Variants in USP19 observed in about 807,000 individuals in gnomAD.
The protein encoded by USP19 is ubiquitin specific peptidase 19.
USP19 carries 40 observed loss-of-function variants against 144.8 expected under a neutral mutation model. The ratio of observed to expected loss-of-function variants is 0.28; its 90% CI spans 0.21 to 0.36. The LOEUF is 0.36. USP19 is among the 10% of genes least tolerant of loss of function. The pLI is 1.00. For synonymous variants in USP19, 701 were observed against 709.3 expected (o/e 0.99, Z 0.19); for missense variants, 1,518 against 1,822.5 (o/e 0.83, Z 3.04).
In USP19 at chr3:49,110,135, G is replaced by A. The variant is rs2042924122; in HGVS notation, c.4038+49C>T. The A allele has an allele frequency of 1.4e-6, 2 of 1,469,494 alleles. No homozygotes were observed. Among genetic ancestry groups the A allele is most frequent in the South Asian group, 1.5e-5 (1 of 65,442 alleles). The allele number at this position is 1,469,494 out of a possible 1,614,324, so 91.0% of individuals were successfully genotyped here. A position where few individuals can be genotyped will look rare whatever the true frequency, so the allele number is the denominator to read the frequency against. On this transcript the variant is annotated intron_variant, in intron 26 of 26. Transcript: ENST00000417901. The surrounding 1 kb of genome is among the most constrained non-coding windows in gnomAD (Gnocchi z 6.1). Reference sequence around the variant, plus strand: ...AGCTATATCCCCCAACCCGGCCCCAGTCTGTGAACTGTCCCCCAGTATTCT... The same window carrying A: ...AGCTATATCCCCCAACCCGGCCCCAATCTGTGAACTGTCCCCCAGTATTCT...
In USP19 at chr3:49,118,097, G is replaced by C. The variant is rs752673049; in HGVS notation, c.148C>G (p.Gln50Glu). Residue 50 changes from glutamine (Q) to glutamate (E), a missense_variant, in exon 3 of 27, where the codon CAG becomes GAG. This residue lies in a region of USP19 where 707 missense variants were observed against 728.9 expected (regional missense o/e 0.97). Coordinates refer to ENST00000417901, the MANE Select transcript of USP19 (RefSeq NM_001199161.2). ...RKETGSRYVAQAGLEPLASGD... is the reference protein window; with the variant it reads ...RKETGSRYVAEAGLEPLASGD... ...GAGGCCAGAGGTTCAAGACCAGCCTGGGCAACATATCGAGACCCTGTCTCT... is the reference window on the plus strand; with the variant it reads ...GAGGCCAGAGGTTCAAGACCAGCCTCGGCAACATATCGAGACCCTGTCTCT... The C allele has an allele frequency of 7.0e-6, 10 of 1,434,836 alleles. No individual in the cohort carries two copies. Among genetic ancestry groups the C allele is most frequent in the Non-Finnish European group, 4.8e-6 (5 of 1,044,592 alleles). 88.9% of individuals were successfully genotyped at this position (1,434,836 alleles called of 1,614,324 possible). A position where few individuals can be genotyped will look rare whatever the true frequency, so the allele number is the denominator to read the frequency against.
At position 49,117,476 on chromosome 3, in the gene USP19, C is replaced by T. The variant is rs370258948; in HGVS notation, c.567G>A (p.Leu189=). 1.9e-6 allele frequency: 3 copies of T among 1,614,024 alleles called. No homozygotes were observed. The highest frequency in any genetic ancestry group is 1.7e-6 in the Non-Finnish European group (2 of 1,180,042). ...TRKGSLLHLT[L]PKKVPMLTWP... ...ACGTGAGCATAGGCACCTTTTTGGG[C>T]AGTGTCAGGTGCAGGAGACTGCCCT... The change falls in exon 5 of 27, where the codon CTG becomes CTA. Residue 189 remains leucine (L), a synonymous_variant. Coordinates refer to ENST00000417901, the MANE Select transcript of USP19 (RefSeq NM_001199161.2). The surrounding 1 kb of genome is among the most constrained non-coding windows in gnomAD (Gnocchi z 4.4).
chr3:49,117,828 C>T lies in USP19; in HGVS notation c.301G>A (p.Ala101Thr). 6.2e-7 allele frequency: 1 copy of T among 1,614,172 alleles called. No individual in the cohort carries two copies. Among genetic ancestry groups the T allele is most frequent in the Non-Finnish European group, 8.5e-7 (1 of 1,180,016 alleles). The change falls in exon 4 of 27, where the codon GCT becomes ACT. Residue 101 changes from alanine to threonine, a missense_variant and splice_region_variant. Ala to Thr is a moderately conservative substitution (Grantham distance 58). This residue lies in a region of USP19 where 707 missense variants were observed against 728.9 expected (regional missense o/e 0.97). Transcript: ENST00000417901. The surrounding 1 kb of genome is among the most constrained non-coding windows in gnomAD (Gnocchi z 4.4). ...TPQEEQTKEG[A>T]CEDPHDLLAT... The stretch of plus-strand genomic sequence containing the variant: ...AAGAGATCATGAGGGTCTTCACAAG[C>T]TCCTGATGGTGATAAGCAGGTAACA...
chr3:49,110,796 C>T lies in USP19; in HGVS notation c.3613G>A (p.Val1205Ile), dbSNP rs1441621122. Reference protein sequence around the residue: ...KQLLLWRLPNVLIVQLKRFSF... With the variant: ...KQLLLWRLPNILIVQLKRFSF... ...AAGCGCTTGAGCTGCACGATGAGAA[C>T]ATTTGGCAGGCGCCATAGCAACAGC... Residue 1205 changes from valine to isoleucine, a missense_variant, in exon 24 of 27, where the codon GTT becomes ATT. Transcript: ENST00000417901. The surrounding 1 kb of genome is among the most constrained non-coding windows in gnomAD (Gnocchi z 6.1). 14 of 1,614,238 alleles carry T rather than the reference C, an allele frequency of 8.7e-6. No homozygotes were observed. Among genetic ancestry groups the T allele is most frequent in the Non-Finnish European group, 1.1e-5 (13 of 1,180,054 alleles).
rs2044714026 is a variant in USP19 at position 49,119,212 on chromosome 3, G to A, written c.-67C>T. 5 of 1,541,288 alleles carry A rather than the reference G, an allele frequency of 3.2e-6. No individual in the cohort carries two copies. The East Asian group carries it at 9.2e-5, about 28-fold the overall frequency. ...CAACAGCGTCTGGGTCAGGGCTGCGGCGCTTTCTTCCTGGCCCAGCTATCT... is the reference window on the plus strand; with the variant it reads ...CAACAGCGTCTGGGTCAGGGCTGCGACGCTTTCTTCCTGGCCCAGCTATCT... On this transcript the variant is annotated 5_prime_UTR_variant, in exon 2 of 27. Transcript: ENST00000417901.
At chr3:49,109,267 C>T (rs1056669748) in intron 26 of USP19, 5 of 1,426,910 alleles carry the variant, frequency 3.5e-6, no homozygotes, top group Non-Finnish European at 4.6e-6. Flanking sequence ...ATGACAGTCC[C>T]ACCTGGGGTG....
Position 49,111,445 on chromosome 3 carries a change from C to T in USP19, c.3217+55G>A. On this transcript the variant is annotated intron_variant, in intron 21 of 26. Transcript: ENST00000417901. The surrounding 1 kb of genome is among the most constrained non-coding windows in gnomAD (Gnocchi z 5.9). ...CCACCAGGCCCTAAACAACAGCCCC[C>T]TCCATCCTCCCTTATCCTCCTCCCC... The T allele has an allele frequency of 6.2e-7, 1 of 1,612,922 alleles. No homozygotes were observed. The highest frequency in any genetic ancestry group is 8.5e-7 in the Non-Finnish European group (1 of 1,179,582).
Position 49,115,865 on chromosome 3 carries a change from G to A in USP19, c.1551C>T (p.His517=). The change falls in exon 11 of 27, where the codon CAC becomes CAT. Residue 517 remains histidine (H), a synonymous_variant. Coordinates refer to ENST00000417901, the MANE Select transcript of USP19 (RefSeq NM_001199161.2). The surrounding 1 kb of genome is among the most constrained non-coding windows in gnomAD (Gnocchi z 6.6). ...LDSTPPGGAP[H]PLTGQEEARA... is the part of the protein sequence containing the mutation. ...GGGCCTCCTCCTGGCCTGTCAGGGG[G>A]TGGGGAGCACCTCCTGGTGGGGTTG... The A allele has an allele frequency of 1.2e-6, 2 of 1,603,850 alleles. No individual in the cohort carries two copies. Among genetic ancestry groups the A allele is most frequent in the Non-Finnish European group, 1.7e-6 (2 of 1,175,554 alleles).
In USP19 at chr3:49,116,835, C is replaced by T. The variant is rs745533225; in HGVS notation, c.1018G>A (p.Gly340Arg). ...ATGGCTGGAGAGACTGGGTCATTCCCGGGAGGCACTGCTTTCTCTCCTGCC... is the reference window on the plus strand; with the variant it reads ...ATGGCTGGAGAGACTGGGTCATTCCTGGGAGGCACTGCTTTCTCTCCTGCC... Reference protein sequence around the residue: ...PLAGEKAVPPGNDPVSPAMVR... With the variant: ...PLAGEKAVPPRNDPVSPAMVR... Residue 340 changes from glycine (G) to arginine (R), a missense_variant, in exon 7 of 27, where the codon GGG (glycine) becomes AGG (arginine). By Grantham distance (125) the Gly-to-Arg change is moderately radical (BLOSUM62 -2). This residue lies in a region of USP19 where 707 missense variants were observed against 728.9 expected (regional missense o/e 0.97). Transcript: ENST00000417901. This position sits in a 1 kb window ranked among gnomAD's most constrained non-coding sequence, Gnocchi z 5.0. 67 of 1,613,998 alleles carry T rather than the reference C, an allele frequency of 4.2e-5. No homozygotes were observed. The highest frequency in any genetic ancestry group is 2.2e-4 in the East Asian group (10 of 44,880).
chr3:49,108,985 A>G lies in USP19; in HGVS notation c.4039-457T>C. 6.2e-7 allele frequency: 1 copy of G among 1,612,868 alleles called. No individual in the cohort carries two copies. The highest frequency in any genetic ancestry group is 8.5e-7 in the Non-Finnish European group (1 of 1,179,562). The stretch of plus-strand genomic sequence containing the variant: ...ATCTCCAGCGACTCTGGGATACCAG[A>G]GGATAGAACACGTTGAGCACGAGGG... On this transcript the variant is annotated intron_variant, in intron 26 of 26. Coordinates refer to ENST00000417901, the MANE Select transcript of USP19 (RefSeq NM_001199161.2). The surrounding 1 kb of genome is among the most constrained non-coding windows in gnomAD (Gnocchi z 4.8).
In USP19 at chr3:49,116,201, G is replaced by A. The variant is rs1428904087; in HGVS notation, c.1356-39C>T. 2.5e-6 allele frequency: 4 copies of A among 1,613,760 alleles called. No individual in the cohort carries two copies. Among genetic ancestry groups the A allele is most frequent in the Middle Eastern group, 1.7e-4 (1 of 6,056 alleles). On this transcript the variant is annotated intron_variant, in intron 9 of 26. Coordinates refer to ENST00000417901, the MANE Select transcript of USP19 (RefSeq NM_001199161.2). The surrounding 1 kb of genome is among the most constrained non-coding windows in gnomAD (Gnocchi z 5.0). ...CTGAACTCAGGGACTTAGGAGGAAT[G>A]AGCATCAGGATAGATGAGCCAGGGA...
Position 49,112,766 on chromosome 3 carries a change from C to T in USP19, c.2506-137G>A. 1 of 1,238,098 alleles carries T rather than the reference C, an allele frequency of 8.1e-7. No individual in the cohort carries two copies. The highest frequency in any genetic ancestry group is 1.1e-6 in the Non-Finnish European group (1 of 914,904). 76.7% of individuals were successfully genotyped at this position (1,238,098 alleles called of 1,614,324 possible). ...GTCTGTAGGCCCAAATAGGCTTATG[C>T]CTCTGCTGGCACCTGTCTCAGTGCC... is the stretch of plus-strand genomic sequence containing the variant. On this transcript the variant is annotated intron_variant, in intron 17 of 26. Coordinates refer to ENST00000417901, the MANE Select transcript of USP19 (RefSeq NM_001199161.2). This position sits in a 1 kb window ranked among gnomAD's most constrained non-coding sequence, Gnocchi z 4.9.
chr3:49,108,315 A>G lies in USP19; in HGVS notation c.*97T>C. On this transcript the variant is annotated 3_prime_UTR_variant, in exon 27 of 27. Coordinates refer to ENST00000417901, the MANE Select transcript of USP19 (RefSeq NM_001199161.2). The surrounding 1 kb of genome is among the most constrained non-coding windows in gnomAD (Gnocchi z 4.8). Reference sequence around the variant, plus strand: ...ATACCCCTCAGCTTCCCATTGACAGAGCCAGTGTCCTCTGGGTTAGAGAAG... The same window carrying G: ...ATACCCCTCAGCTTCCCATTGACAGGGCCAGTGTCCTCTGGGTTAGAGAAG... 2.9e-6 allele frequency: 1 copy of G among 342,156 alleles called. No homozygotes were observed. Among genetic ancestry groups the G allele is most frequent in the Non-Finnish European group, 5.5e-6 (1 of 181,438 alleles). The allele number at this position is 342,156 out of a possible 1,614,324, so 21.2% of individuals were successfully genotyped here. A position where few individuals can be genotyped will look rare whatever the true frequency, so the allele number is the denominator to read the frequency against.
rs775551852 is a variant in USP19, at chr3:49,115,257, G to T, written c.1993C>A (p.His665Asn). ...VLLRALWKGT[H>N]HAFQPSKLKA... ...AACTTGGAAGGCTGGAAGGCATGGT[G>T]GGTGCCCTTCCACAGCGCCCGAAGC... Residue 665 changes from histidine to asparagine, a missense_variant, in exon 13 of 27, where the codon CAC (histidine) becomes AAC (asparagine). His to Asn is a moderately conservative substitution (Grantham distance 68, BLOSUM62 1). Coordinates refer to ENST00000417901, the MANE Select transcript of USP19 (RefSeq NM_001199161.2). This position sits in a 1 kb window ranked among gnomAD's most constrained non-coding sequence, Gnocchi z 6.6. 1 of 1,614,058 alleles carries T rather than the reference G, an allele frequency of 6.2e-7. No individual in the cohort carries two copies. The highest frequency in any genetic ancestry group is 8.5e-7 in the Non-Finnish European group (1 of 1,180,014).
Position 49,110,687 on chromosome 3 carries a change from C to T in USP19, c.3698+24G>A, listed in dbSNP as rs1194653181. On this transcript the variant is annotated intron_variant, in intron 24 of 26. Coordinates refer to ENST00000417901, the MANE Select transcript of USP19 (RefSeq NM_001199161.2). The surrounding 1 kb of genome is among the most constrained non-coding windows in gnomAD (Gnocchi z 6.1). ...CATCCTGGTCCTCACACCCCACCCA[C>T]AGTTACCAAGGTCCACTGCTTACCT... 6.2e-7 allele frequency: 1 copy of T among 1,612,596 alleles called. No individual in the cohort carries two copies. Among genetic ancestry groups the T allele is most frequent in the East Asian group, 2.2e-5 (1 of 44,864 alleles).
chr3:49,117,266 C>T lies in USP19; in HGVS notation c.702G>A (p.Glu234=), dbSNP rs2044317428. The T allele has an allele frequency of 6.4e-7, 1 of 1,566,066 alleles. No individual in the cohort carries two copies. Among genetic ancestry groups the T allele is most frequent in the African/African-American group, 1.4e-5 (1 of 73,364 alleles). ...GGGCCTCCTGCTTAGCCCGGTGGGG[C>T]TCAGGGCCTGGCTCCAGGGCAATGG... The part of the protein sequence containing the change: ...LSPIALEPGP[E]PHRAKQEARN... The change falls in exon 6 of 27, where the codon GAG becomes GAA. Residue 234 remains glutamate, a synonymous_variant. Transcript: ENST00000417901. This position sits in a 1 kb window ranked among gnomAD's most constrained non-coding sequence, Gnocchi z 4.4.
At chr3:49,109,361 A>T (rs2042793159) in intron 26 of USP19, among the ~76,000 whole-genome samples, 1 of 151,838 alleles carries the variant, frequency 6.6e-6, no homozygotes, top group Admixed American at 6.6e-5. Context: ...GAGTAAGAGC[A>T]CAAGGGTAAG....
Position 49,112,453 on chromosome 3 carries a change from C to G in USP19, c.2646+36G>C, listed in dbSNP as rs1402136464. On this transcript the variant is annotated intron_variant, in intron 18 of 26. Transcript: ENST00000417901. The surrounding 1 kb of genome is among the most constrained non-coding windows in gnomAD (Gnocchi z 4.9). ...AGACCAGGAAGAAGTGCCCCACCCA[C>G]CAGGGCGCTGTGCCATCAGGTTGGC... 6.2e-7 allele frequency: 1 copy of G among 1,613,722 alleles called. No individual in the cohort carries two copies. The highest frequency in any genetic ancestry group is 8.5e-7 in the Non-Finnish European group (1 of 1,179,848).
chr3:49,115,836 G>A lies in USP19; in HGVS notation c.1580C>T (p.Ala527Val), dbSNP rs751660105. 2 of 1,613,342 alleles carry A rather than the reference G, an allele frequency of 1.2e-6. No individual in the cohort carries two copies. Among genetic ancestry groups the A allele is most frequent in the East Asian group, 4.5e-5 (2 of 44,882 alleles). The part of the protein sequence containing the change: ...HPLTGQEEAR[A>V]VEKDKSKARS... ...TGCCTTGGATTTATCCTTCTCCACAGCCCGGGCCTCCTCCTGGCCTGTCAG... is the reference window on the plus strand; with the variant it reads ...TGCCTTGGATTTATCCTTCTCCACAACCCGGGCCTCCTCCTGGCCTGTCAG... Residue 527 changes from alanine to valine, a missense_variant, in exon 11 of 27, where the codon GCT (alanine) becomes GTT (valine). Transcript: ENST00000417901. This position sits in a 1 kb window ranked among gnomAD's most constrained non-coding sequence, Gnocchi z 6.6.
Sources: allele counts gnomAD v4.1 joint callset (sites outside exome capture counted in the v4.1 genomes callset), GRCh38; gene constraint gnomAD v4.1.1; regional missense constraint gnomAD v4.1.1; non-coding constraint Gnocchi (gnomAD v3.1); transcripts MANE v1.5; gene names NCBI Gene and HGNC (gene_info 2026-07-23, HGNC 2026-07-21).